The following RASGRP3 variants were observed in gnomAD, a reference collection of about 807,000 sequenced individuals.
RASGRP3 encodes the protein RAS guanyl releasing protein 3.
RASGRP3 carries 54 observed loss-of-function variants against 82.7 expected under a neutral mutation model. That is an observed-to-expected ratio of 0.65 (90% CI 0.52 to 0.82). The LOEUF (loss-of-function observed/expected upper bound fraction) is 0.82, where lower values mean the gene tolerates loss of function less well. RASGRP3 is among the 40% of genes least tolerant of loss of function. RASGRP3 has a pLI of 0.00. For missense variants in RASGRP3, 861 were observed against 828.9 expected, an observed-to-expected ratio of 1.04 and a Z score of -0.48; for synonymous variants, 309 against 300.5, an observed-to-expected ratio of 1.03 and a Z score of -0.29.
intron 13 of RASGRP3, among the ~76,000 whole-genome samples, chr2:33,549,189 T>C (rs1273428001): frequency 6.6e-6 from 1 of 152,170 alleles, no homozygotes; most frequent in African/African-American, 2.4e-5. Flanking sequence ...CTGAATGAAT[T>C]TGAGAATGGT....
intron 6 of RASGRP3, 147 bp downstream of exon 6, chr2:33,520,831 C>A: frequency 2.9e-6 from 3 of 1,048,114 alleles, no homozygotes; most frequent in South Asian, 3.3e-5. Flanking sequence ...GAGCGCAAGC[C>A]GTATGGGACA....
upstream of RASGRP3, among the ~76,000 whole-genome samples, chr2:33,475,417 A>G (rs939602091): frequency 2.0e-5 from 3 of 152,238 alleles, no homozygotes; most frequent in Non-Finnish European, 4.4e-5. Flanking sequence ...CCTAAATATA[A>G]AAGATTACTC....
At chr2:33,454,990 G>A (rs1318364513) in intron 2 of RASGRP3, among the ~76,000 whole-genome samples, 1 of 152,172 alleles carries the variant, frequency 6.6e-6, no homozygotes, top group East Asian at 1.9e-4. Context: ...GGCTCAGTTT[G>A]AGTTACATGC....
At chr2:33,487,017 T>G (rs1574314697) in intron 1 of RASGRP3, among the ~76,000 whole-genome samples, 1 of 152,194 alleles carries the variant, frequency 6.6e-6, no homozygotes, top group Non-Finnish European at 1.5e-5. Flanking sequence ...ATTATCTAAC[T>G]TTAACAATTT....
intron 2 of RASGRP3, among the ~76,000 whole-genome samples, chr2:33,462,340 C>T (rs1348779712): frequency 6.7e-6 from 1 of 149,824 alleles, no homozygotes; most frequent in Admixed American, 6.6e-5. Context: ...CTAGAGTTTG[C>T]ATTTGAGAAC....
Position 33,539,105 on chromosome 2 carries a change from C to A in RASGRP3, c.1173C>A (p.Ser391=). The part of the protein sequence containing the change: ...EPRNSKSQPT[S]PTTPNKPVVP... Reference sequence around the variant, plus strand: ...TTTTTGTTTATCAGCAGCCTACCTCCCCTACGACGCCCAACAAGCCTGTGG... The same window carrying A: ...TTTTTGTTTATCAGCAGCCTACCTCACCTACGACGCCCAACAAGCCTGTGG... Residue 391 remains serine, a synonymous_variant, in exon 12 of 18, where the codon TCC becomes TCA. Transcript: ENST00000403687. 6.2e-7 allele frequency: 1 copy of A among 1,606,106 alleles called. No homozygotes were observed. The highest frequency in any genetic ancestry group is 8.5e-7 in the Non-Finnish European group (1 of 1,176,196).
At position 33,511,936 on chromosome 2, in the gene RASGRP3, A is replaced by T. The variant is rs528047007; in HGVS notation, c.-128+94A>T. On this transcript the variant is annotated intron_variant, in intron 2 of 17. Transcript: ENST00000403687. ...ACTAAAAGAAACGTGCTATGATGTT[A>T]ATAGGAGTTATCTTTGTATGATGAG... The T allele has an allele frequency of 7.9e-5, 12 of 152,692 alleles. No homozygotes were observed. In the East Asian group the frequency reaches 2.3e-3, roughly 29 times the overall value. The allele number at this position is 152,692 out of a possible 1,614,324, so 9.5% of individuals were successfully genotyped here. A position where few individuals can be genotyped will look rare whatever the true frequency, so the allele number is the denominator to read the frequency against.
At chr2:33,437,244 A>G (rs923523772) in intron 1 of RASGRP3, among the ~76,000 whole-genome samples, 2 of 152,194 alleles carry the variant, frequency 1.3e-5, no homozygotes, top group African/African-American at 4.8e-5. Context: ...TGTTTTGAGT[A>G]CCTTGAAAAA....
intron 2 of RASGRP3, among the ~76,000 whole-genome samples, chr2:33,451,458 G>T (rs1665796632): frequency 6.6e-6 from 1 of 152,228 alleles, no homozygotes; most frequent in East Asian, 1.9e-4. Flanking sequence ...TGTGCTTTTG[G>T]AGTCATATCT....
intron 2 of RASGRP3, among the ~76,000 whole-genome samples, chr2:33,454,865 C>T (rs778496662): frequency 2.4e-4 from 36 of 152,142 alleles, no homozygotes; most frequent in Non-Finnish European, 2.5e-4. Context: ...TTTTCTGGTT[C>T]TATGTCCTAA....
chr2:33,523,773 T>G, intron 7 of RASGRP3, 106 bp from the exon 8 acceptor site: 2 of 1,119,958 alleles, frequency 1.8e-6, no homozygotes, highest in African/African-American at 1.6e-5. Context: ...ATAAAAGAAA[T>G]TGTGTTGTTA....
chr2:33,529,487 C>CAAA lies in RASGRP3; in HGVS notation c.1083+2086_1083+2088dup, dbSNP rs56664748. Among the ~76,000 whole-genome samples, 121 of 57,046 alleles carry CAAA rather than the reference C, an allele frequency of 2.1e-3. 13 individuals carry two copies. Among genetic ancestry groups the CAAA allele is most frequent in the African/African-American group, 9.6e-3 (104 of 10,816 alleles). The allele number at this position is 57,046 out of a possible 152,430, so 37.4% of individuals were successfully genotyped here. A position where few individuals can be genotyped will look rare whatever the true frequency, so the allele number is the denominator to read the frequency against. ...TGGGCGACAGAGCGAGACTCCATCTCAAAAAAAAAAAAATTCAGGAGTACA... is the reference window on the plus strand; with the variant it reads ...TGGGCGACAGAGCGAGACTCCATCTCAAAAAAAAAAAAAAAATTCAGGAGTACA... On this transcript the variant is annotated intron_variant, in intron 10 of 17. Coordinates refer to ENST00000403687, the MANE Select transcript of RASGRP3 (RefSeq NM_001139488.2).
chr2:33,489,165 C>T (rs1174577272), intron 1 of RASGRP3, among the ~76,000 whole-genome samples: 2 of 152,114 alleles, frequency 1.3e-5, no homozygotes, highest in Non-Finnish European at 2.9e-5. Flanking sequence ...CTCACGACAG[C>T]CCTGCATGAC....
In RASGRP3 at chr2:33,490,168, C is replaced by T. The variant is rs1668728566; in HGVS notation, c.-261+13461C>T. ...TCCCTTTGGTTATCTTCTCTTCCTT[C>T]TGAGTTTTCAGCTTCCTCTACTATG... On this transcript the variant is annotated intron_variant, in intron 1 of 17. Coordinates refer to ENST00000403687, the MANE Select transcript of RASGRP3 (RefSeq NM_001139488.2). 3.9e-5 allele frequency among the ~76,000 whole-genome samples: 6 copies of T among 152,202 alleles called. No homozygotes were observed. The South Asian group carries it at 1.0e-3, about 26-fold the overall frequency.
intron 9 of RASGRP3, among the ~76,000 whole-genome samples, chr2:33,526,786 A>G (rs186242224): frequency 1.3e-5 from 2 of 152,368 alleles, no homozygotes; most frequent in East Asian, 1.9e-4. Flanking sequence ...CTTGGAACAA[A>G]TAACAATTTT....
At chr2:33,493,840 C>G (rs1459693411) in intron 1 of RASGRP3, among the ~76,000 whole-genome samples, 3 of 152,118 alleles carry the variant, frequency 2.0e-5, no homozygotes, top group African/African-American at 7.2e-5. Flanking sequence ...CCCTCAAAAT[C>G]AGACCAGTGA....
intron 1 of RASGRP3, among the ~76,000 whole-genome samples, chr2:33,511,207 T>C (rs1466666725): frequency 6.6e-6 from 1 of 152,152 alleles, no homozygotes; most frequent in East Asian, 1.9e-4. Flanking sequence ...AGAGTACCTA[T>C]CAACACCACA....
intron 17 of RASGRP3, among the ~76,000 whole-genome samples, chr2:33,559,342 A>C (rs1676389642): frequency 1.3e-5 from 2 of 152,240 alleles, no homozygotes; most frequent in South Asian, 4.1e-4. Flanking sequence ...CCAAAATACC[A>C]GTACACGATA....
At chr2:33,436,720 A>G (rs924619088) in intron 1 of RASGRP3, 2 of 152,242 alleles carry the variant, frequency 1.3e-5, no homozygotes, top group Non-Finnish European at 2.9e-5. Flanking sequence ...TGCTTTGCTC[A>G]TATCTCTGAA....
Sources: gnomAD v4.1 joint callset for allele counts (sites outside exome capture counted in the v4.1 genomes callset) on GRCh38, gnomAD v4.1.1 for gene constraint, MANE v1.5 for transcripts, NCBI Gene and HGNC (gene_info 2026-07-23, HGNC 2026-07-21) for gene names.